Variants in NDUFAF6 observed in about 807,000 individuals in gnomAD.
NDUFAF6 encodes the protein NADH dehydrogenase (ubiquinone) complex I, assembly factor 6.
In NDUFAF6, 45 loss-of-function variants were observed where a neutral mutation model predicts 40.8. The observed-to-expected ratio is 1.10, with a 90% CI of 0.87 to 1.42. The LOEUF (loss-of-function observed/expected upper bound fraction) is 1.42. Among genes scored for constraint, NDUFAF6 ranks in the 40% most tolerant of loss-of-function variants. The pLI, the probability that NDUFAF6 is intolerant of heterozygous loss-of-function variation, is 0.00. For synonymous variants in NDUFAF6, 185 were observed against 155.9 expected, an observed-to-expected ratio of 1.19 and a Z score of -1.39; for missense variants, 435 against 418.5, an observed-to-expected ratio of 1.04 and a Z score of -0.34.
chr8:95,054,668 C>G (rs1273941922), intron 8 of NDUFAF6, among the ~76,000 whole-genome samples: 3 of 152,108 alleles, frequency 2.0e-5, no homozygotes, highest in African/African-American at 7.2e-5. Flanking sequence ...TGCCTGACTT[C>G]AGGTGATCCA....
At chr8:94,897,706 CTTT>C (rs11432186) in intron 1 of NDUFAF6, among the ~76,000 whole-genome samples, 28 of 131,960 alleles carry the variant, frequency 2.1e-4, no homozygotes, top group Non-Finnish European at 3.4e-4. Flanking sequence ...TATTCTGTGC[CTTT>C]TTTTTTTTTT....
intron 1 of NDUFAF6, among the ~76,000 whole-genome samples, chr8:94,909,364 A>AC: frequency 4.9e-5 from 1 of 20,566 alleles, no homozygotes; most frequent in Non-Finnish European, 1.5e-4. Flanking sequence ...AAAAAAAAAA[A>AC]AAAAAAAAAA....
intron 8 of NDUFAF6, 77 bp from the exon 9 acceptor site, chr8:95,057,732 T>G: frequency 2.6e-6 from 3 of 1,148,468 alleles, no homozygotes; most frequent in Non-Finnish European, 3.8e-6. Flanking sequence ...TACTTGTAAT[T>G]ATTCTTTAGT....
At position 94,915,128 on chromosome 8, in the gene NDUFAF6, T is replaced by G. The variant is rs536498100; in HGVS notation, c.-936+19201T>G. The stretch of plus-strand genomic sequence containing the variant: ...TGTTGTTCGCATCTTAAATTTTTTT[T>G]TTTTAAGAGATGGGGTCTCCCTGTG... On this transcript the variant is annotated intron_variant, in intron 1 of 14. Coordinates refer to the NDUFAF6 transcript ENST00000396113. 2.4e-4 allele frequency among the ~76,000 whole-genome samples: 37 copies of G among 152,238 alleles called. No homozygotes were observed. The South Asian group carries it at 7.7e-3, about 32-fold the overall frequency.
chr8:95,109,205 C>T (rs1809925079), intron 4 of NDUFAF6, among the ~76,000 whole-genome samples: 1 of 152,194 alleles, frequency 6.6e-6, no homozygotes, highest in South Asian at 2.1e-4. Flanking sequence ...CTTCCAAAAA[C>T]TTTAATATTA....
intron 2 of NDUFAF6, among the ~76,000 whole-genome samples, chr8:95,032,852 C>CA (rs2131781332): frequency 6.6e-6 from 1 of 152,268 alleles, no homozygotes; most frequent in East Asian, 1.9e-4. Flanking sequence ...CTGAGATTCA[C>CA]AACTGTGAGT....
chr8:95,096,345 TC>T (rs1253954402), upstream of NDUFAF6, among the ~76,000 whole-genome samples: 4 of 152,092 alleles, frequency 2.6e-5, no homozygotes, highest in Non-Finnish European at 4.4e-5. Context: ...AAGTTCTGTT[TC>T]TCCGCCTCCC....
intron 1 of NDUFAF6, among the ~76,000 whole-genome samples, chr8:94,973,452 T>C (rs1824638084): frequency 6.6e-6 from 1 of 152,152 alleles, no homozygotes. Context: ...CTCACGCCTG[T>C]AATCCCAGCA....
rs1008333651 is a variant in NDUFAF6 at position 94,940,367 on chromosome 8, G to T, written c.-935-5116G>T. The stretch of plus-strand genomic sequence containing the variant: ...GATGATACTATTAGCTGATGCTCAC[G>T]TATCTTCTTTTATTTAGTTCAGAAA... On this transcript the variant is annotated intron_variant, in intron 1 of 14. Transcript: ENST00000396113. The T allele has an allele frequency of 8.8e-6, 8 of 911,126 alleles. 1 individual carries two copies. Among genetic ancestry groups the T allele is most frequent in the African/African-American group, 8.3e-5 (5 of 60,064 alleles). 56.4% of individuals were successfully genotyped at this position (911,126 alleles called of 1,614,324 possible).
At chr8:94,961,587 A>AG (rs1554641473) in intron 1 of NDUFAF6, among the ~76,000 whole-genome samples, 27 of 152,044 alleles carry the variant, frequency 1.8e-4, no homozygotes, top group African/African-American at 6.3e-4. Context: ...ACACCTGGCT[A>AG]ATTTTTTTGT....
At chr8:95,107,350 C>A (rs188481021), downstream of NDUFAF6, among the ~76,000 whole-genome samples, 2 of 152,090 alleles carry the variant, frequency 1.3e-5, no homozygotes, top group Non-Finnish European at 2.9e-5. Context: ...AAGCTGAAAA[C>A]CATCATTCTC....
Position 94,939,897 on chromosome 8 carries a change from G to A in NDUFAF6, c.-935-5586G>A, listed in dbSNP as rs143018046. 1.5e-5 allele frequency: 24 copies of A among 1,613,892 alleles called. No homozygotes were observed. Among genetic ancestry groups the A allele is most frequent in the East Asian group, 2.2e-5 (1 of 44,898 alleles). ...GGGCTATGTAATTCATCAGTCCCAC[G>A]GGTGGCCTCACTGAGACCAGGGCAG... On this transcript the variant is annotated intron_variant, in intron 1 of 14. Transcript: ENST00000396113.
intron 2 of NDUFAF6, among the ~76,000 whole-genome samples, chr8:95,083,627 C>T (rs1303406987): frequency 6.6e-6 from 1 of 152,058 alleles, no homozygotes; most frequent in Non-Finnish European, 1.5e-5. Context: ...TTAAAAATAG[C>T]CATCAAAATA....
intron 2 of NDUFAF6, among the ~76,000 whole-genome samples, chr8:94,985,650 C>T (rs1341495633): frequency 7.0e-6 from 1 of 143,298 alleles, no homozygotes; most frequent in African/African-American, 2.6e-5. Context: ...ATTCTCCTGC[C>T]TCAGCCTTCC....
chr8:95,036,632 G>A, intron 3 of NDUFAF6: 1 of 647,628 alleles, frequency 1.5e-6, no homozygotes, highest in South Asian at 2.0e-5. Flanking sequence ...GTATAGTGGA[G>A]GTGGAGGTTT....
chr8:95,109,926 G>A (rs998330988), intron 4 of NDUFAF6, among the ~76,000 whole-genome samples: 2 of 152,272 alleles, frequency 1.3e-5, no homozygotes, highest in African/African-American at 4.8e-5. Flanking sequence ...TTGTGTACCA[G>A]TATGTTCTTA....
chr8:95,032,271 C>G (rs1467151773), intron 2 of NDUFAF6, among the ~76,000 whole-genome samples, 177 bp downstream of exon 2: 1 of 152,182 alleles, frequency 6.6e-6, no homozygotes, highest in African/African-American at 2.4e-5. Flanking sequence ...AAAAATAAAA[C>G]TATCTAATGA....
At position 95,083,353 on chromosome 8, in the gene NDUFAF6, T is replaced by C. The variant is rs73262435; in HGVS notation, n.213+7601T>C. On this transcript the variant is annotated intron_variant and non_coding_transcript_variant, in intron 2 of 5. Transcript: ENST00000523184. ...GCATTTATCAGTCTAGCTATCATTA[T>C]AAGTTATCCATCTAGTTATTTTTGT... is the stretch of plus-strand genomic sequence containing the variant. Among the ~76,000 whole-genome samples, 886 of 152,366 alleles carry C rather than the reference T, an allele frequency of 5.8e-3. 11 individuals are homozygous for C. The highest frequency in any genetic ancestry group is 0.02 in the African/African-American group (849 of 41,592).
chr8:94,932,578 C>T (rs574821276), intron 1 of NDUFAF6, among the ~76,000 whole-genome samples: 2 of 152,098 alleles, frequency 1.3e-5, no homozygotes, highest in East Asian at 1.9e-4. Context: ...CTGAGGCGGG[C>T]GGATCGTGAG....
Sources: gnomAD v4.1 joint callset for allele counts (sites outside exome capture counted in the v4.1 genomes callset) on GRCh38, gnomAD v4.1.1 for gene constraint, MANE v1.5 for transcripts, NCBI Gene and HGNC (gene_info 2026-07-23, HGNC 2026-07-21) for gene names.